Variants in CEP112 observed in about 807,000 individuals in gnomAD.
CEP112 encodes centrosomal protein 112.
Under a neutral mutation model 153.0 loss-of-function variants are expected in CEP112, and 127 were observed. That is an observed-to-expected ratio of 0.83 (90% confidence interval 0.72 to 0.96). CEP112 has a LOEUF of 0.96. CEP112 is among the 40% of genes least tolerant of loss of function. The pLI, the probability that CEP112 is intolerant of heterozygous loss-of-function variation, is 0.00. For synonymous variants in CEP112, 358 were observed against 374.4 expected, an observed-to-expected ratio of 0.96 and a Z score of 0.51; for missense variants, 1,089 against 1,101.2, an observed-to-expected ratio of 0.99 and a Z score of 0.16.
At chr17:65,832,308 C>T (rs1055134462) in intron 21 of CEP112, among the ~76,000 whole-genome samples, 2 of 151,618 alleles carry the variant, frequency 1.3e-5, no homozygotes, top group African/African-American at 2.4e-5. Flanking sequence ...AACAAATCAA[C>T]CTCAAAGCTA....
At chr17:65,690,113 C>CAAAAAAA (rs67399289) in intron 23 of CEP112, among the ~76,000 whole-genome samples, 2 of 62,580 alleles carry the variant, frequency 3.2e-5, no homozygotes, top group East Asian at 5.6e-4. Flanking sequence ...GAAAACAGAC[C>CAAAAAAA]AAAAAAAAAA....
intron 21 of CEP112, among the ~76,000 whole-genome samples, chr17:65,787,022 T>A (rs2054314673): frequency 6.6e-6 from 1 of 152,210 alleles, no homozygotes; most frequent in African/African-American, 2.4e-5. Flanking sequence ...TATATATCAA[T>A]ATATGGCTTT....
chr17:65,948,049 T>C (rs1990744), intron 18 of CEP112, among the ~76,000 whole-genome samples: 72,784 of 152,002 alleles, frequency 0.48, 18,428 homozygotes, highest in East Asian at 0.89. Context: ...ATCCAGATAG[T>C]GTTCTTGCTT....
chr17:65,731,799 T>C (rs1033349343), intron 23 of CEP112, among the ~76,000 whole-genome samples: 1 of 152,230 alleles, frequency 6.6e-6, no homozygotes, highest in Non-Finnish European at 1.5e-5. Context: ...TTGTCTTTGC[T>C]CACCCATAAG....
rs540049748 is a variant in CEP112, at chr17:66,031,257, A to G, written c.1219-1234T>C. Among the ~76,000 whole-genome samples, 21 of 152,308 alleles carry G rather than the reference A, an allele frequency of 1.4e-4. No individual in the cohort carries two copies. In the East Asian group the frequency reaches 4.1e-3, roughly 29 times the overall value. On this transcript the variant is annotated intron_variant, in intron 12 of 26. Coordinates refer to ENST00000535342, the MANE Select transcript of CEP112 (RefSeq NM_001199165.4). ...TCATTAACTGGAAGAAACAAAGAAC[A>G]TATACTTTGCCTTCCAGTTTTAGAT...
chr17:66,013,457 G>C (rs1056514276), intron 16 of CEP112, among the ~76,000 whole-genome samples: 1 of 152,010 alleles, frequency 6.6e-6, no homozygotes, highest in Admixed American at 6.6e-5. Context: ...CATAAGGTGG[G>C]GTCCATCGAC....
chr17:65,870,066 A>AAAGAAAGAAAGAAAGG, intron 20 of CEP112, among the ~76,000 whole-genome samples: 1 of 14,898 alleles, frequency 6.7e-5, no homozygotes. Flanking sequence ...AGAAAGAAAG[A>AAAGAAAGAAAGAAAGG]AAGAAAGAAA....
intron 23 of CEP112, among the ~76,000 whole-genome samples, chr17:65,703,617 C>T (rs2048754718): frequency 6.7e-6 from 1 of 150,092 alleles, no homozygotes; most frequent in Non-Finnish European, 1.5e-5. Context: ...GTCCCTCTGC[C>T]TCTCAGCCTC....
intron 18 of CEP112, among the ~76,000 whole-genome samples, chr17:65,932,968 G>C (rs1347648260): frequency 6.6e-6 from 1 of 152,064 alleles, no homozygotes; most frequent in Admixed American, 6.5e-5. Context: ...GCAGACAAAA[G>C]AATTAGTTTG....
At chr17:66,158,301 C>T (rs1356884846) in intron 4 of CEP112, among the ~76,000 whole-genome samples, 2 of 152,038 alleles carry the variant, frequency 1.3e-5, no homozygotes, top group Non-Finnish European at 2.9e-5. Context: ...GGGTAAATAA[C>T]AAAATTAAGG....
In CEP112 at chr17:65,689,188, T is replaced by C. The variant is rs1307393525; in HGVS notation, c.2638A>G (p.Asn880Asp). 6.2e-7 allele frequency: 1 copy of C among 1,613,574 alleles called. No homozygotes were observed. Among genetic ancestry groups the C allele is most frequent in the Admixed American group, 1.7e-5 (1 of 60,030 alleles). Residue 880 changes from asparagine (N) to aspartate (D), a missense_variant, in exon 24 of 27, where the codon AAT becomes GAT. Asn to Asp is a conservative substitution (Grantham distance 23). Transcript: ENST00000535342. ...VLQDELENRS[N>D]QVRCAEKKLQ... ...TTTTTCTCTGCACATCGCACCTGAT[T>C]AGAACGGTTTTCTAATTCATCTTGT... is the stretch of plus-strand genomic sequence containing the variant.
At position 66,175,144 on chromosome 17, in the gene CEP112, G is replaced by C; in HGVS notation, c.370C>G (p.Leu124Val). 1.2e-6 allele frequency: 2 copies of C among 1,613,330 alleles called. No individual in the cohort carries two copies. Among genetic ancestry groups the C allele is most frequent in the South Asian group, 1.1e-5 (1 of 90,942 alleles). ...TGTTCACTTGTCTCCAGCTCACCCA[G>C]TACCCAGGCTGGTAATCCCTCTGGG... ...SSPEGLPAWVLGELETSEHKL... is the reference protein window; with the variant it reads ...SSPEGLPAWVVGELETSEHKL... Residue 124 changes from leucine to valine, a missense_variant, in exon 4 of 27, where the codon CTG (leucine) becomes GTG (valine). By Grantham distance (32) the Leu-to-Val change is conservative. Transcript: ENST00000535342.
chr17:65,859,746 T>C (rs565684071), intron 20 of CEP112, among the ~76,000 whole-genome samples: 3 of 149,474 alleles, frequency 2.0e-5, no homozygotes, highest in Non-Finnish European at 3.0e-5. Flanking sequence ...CGGTGGCTCA[T>C]GCCTGTAATC....
At chr17:66,126,751 T>C (rs749528207) in intron 6 of CEP112, among the ~76,000 whole-genome samples, 2 of 152,142 alleles carry the variant, frequency 1.3e-5, no homozygotes, top group Non-Finnish European at 2.9e-5. Context: ...AAGAATATAT[T>C]TGGGAAAAAT....
At chr17:65,979,874 C>T (rs7210060) in intron 17 of CEP112, among the ~76,000 whole-genome samples, 151,678 of 152,268 alleles carry the variant, frequency 1, 75,546 homozygotes, top group Middle Eastern at 1. Flanking sequence ...ATTGGAACAT[C>T]CTCTGGTAAA....
At chr17:65,639,831 T>G (rs968714072) in intron 25 of CEP112, among the ~76,000 whole-genome samples, 2 of 116,998 alleles carry the variant, frequency 1.7e-5, no homozygotes, top group Admixed American at 2.2e-4. Context: ...TTTCTCTCTT[T>G]CTTTCTTTTT....
chr17:65,750,675 G>C lies in CEP112; in HGVS notation c.2444C>G (p.Ala815Gly). The part of the protein sequence containing the change: ...QIEKEYTQKL[A>G]KSSQIIAELQ... ...AATGTTGCTTACCTGTGAAGATTTG[G>C]CAAGCTTCTGAGTGTATTCCTTCTC... The change falls in exon 22 of 27, where the codon GCC becomes GGC. Residue 815 changes from alanine to glycine, a missense_variant. Physicochemically the swap from Ala to Gly is moderately conservative, Grantham distance 60. Coordinates refer to ENST00000535342, the MANE Select transcript of CEP112 (RefSeq NM_001199165.4). The C allele has an allele frequency of 6.2e-7, 1 of 1,613,882 alleles. No homozygotes were observed. The highest frequency in any genetic ancestry group is 1.1e-5 in the South Asian group (1 of 91,074).
chr17:66,012,632 G>A (rs1340061536), intron 16 of CEP112, among the ~76,000 whole-genome samples: 2 of 152,120 alleles, frequency 1.3e-5, no homozygotes, highest in African/African-American at 2.4e-5. Flanking sequence ...TGTAGGTGAC[G>A]TGCCCCTTCT....
At chr17:66,154,437 C>T (rs557502672) in intron 4 of CEP112, among the ~76,000 whole-genome samples, 1 of 152,120 alleles carries the variant, frequency 6.6e-6, no homozygotes, top group African/African-American at 2.4e-5. Flanking sequence ...ATCACTTAAG[C>T]CCGGGAGGCA....
Sources: gnomAD v4.1 joint callset for allele counts (sites outside exome capture counted in the v4.1 genomes callset) on GRCh38, gnomAD v4.1.1 for gene constraint, MANE v1.5 for transcripts, NCBI Gene and HGNC (gene_info 2026-07-23, HGNC 2026-07-21) for gene names.